SLC39A11: variants seen among roughly 807,000 people sequenced by gnomAD.
The protein encoded by SLC39A11 is zinc transporter ZIP11.
A neutral mutation model predicts 36.1 loss-of-function variants in SLC39A11; 33 were observed. That is an observed-to-expected ratio of 0.91 (90% CI 0.69 to 1.22). The LOEUF (loss-of-function observed/expected upper bound fraction) is 1.22, where lower values mean the gene tolerates loss of function less well. SLC39A11 is among the 50% of genes most tolerant of loss of function. SLC39A11 has a pLI of 0.00. For missense variants in SLC39A11, 432 were observed against 430.3 expected (o/e 1.00, Z -0.03); for synonymous variants, 166 against 170.3 (o/e 0.97, Z 0.20).
At chr17:72,864,341 G>A (rs1598172948) in intron 5 of SLC39A11, among the ~76,000 whole-genome samples, 2 of 150,616 alleles carry the variant, frequency 1.3e-5, no homozygotes, top group East Asian at 1.9e-4. Context: ...GCAACCCGGG[G>A]AATTCTGATC....
chr17:72,945,423 T>C (rs1003325019), intron 5 of SLC39A11, among the ~76,000 whole-genome samples: 7 of 152,206 alleles, frequency 4.6e-5, no homozygotes, highest in African/African-American at 1.4e-4. Context: ...TACAGCAAGC[T>C]TAAGGGCAAA....
intron 6 of SLC39A11, among the ~76,000 whole-genome samples, chr17:72,809,199 T>TTCTCTCTCTCTCTCTCTC (rs66472539): frequency 0.013 from 1,357 of 102,184 alleles, 12 homozygotes; most frequent in Non-Finnish European, 0.018. Context: ...TTTCTTTTCT[T>TTCTCTCTCTCTCTCTCTC]TCTCTCTCTC....
intron 3 of SLC39A11, among the ~76,000 whole-genome samples, chr17:73,074,075 T>C (rs2060244630): frequency 6.6e-6 from 1 of 151,846 alleles, no homozygotes; most frequent in Admixed American, 6.6e-5. Flanking sequence ...GCAGCAATTA[T>C]TAATTTCTCA....
At chr17:72,699,005 A>G (rs528222709) in intron 7 of SLC39A11, among the ~76,000 whole-genome samples, 2 of 151,920 alleles carry the variant, frequency 1.3e-5, no homozygotes, top group Non-Finnish European at 2.9e-5. Flanking sequence ...TAATTTTTGT[A>G]TTTTTAGTAG....
intron 7 of SLC39A11, among the ~76,000 whole-genome samples, chr17:72,673,533 A>G (rs1300848201): frequency 6.6e-6 from 1 of 151,912 alleles, no homozygotes; most frequent in Non-Finnish European, 1.5e-5. Flanking sequence ...AAGATTTACC[A>G]TCCAGAGAAC....
In SLC39A11 at chr17:72,649,270, T is replaced by G. The variant is rs1414200979; in HGVS notation, c.672-2A>C. ...ATCCCGATTCCAATGGCCAAATTCC[T>G]GAAAAACCAAGAAAGCACATGAAGG... On this transcript the variant is annotated splice_acceptor_variant, in intron 7 of 9. Transcript: ENST00000255559. LOFTEE classifies it high-confidence loss of function. The G allele has an allele frequency of 2.5e-6, 4 of 1,613,526 alleles. No homozygotes were observed. Among genetic ancestry groups the G allele is most frequent in the African/African-American group, 1.3e-5 (1 of 74,914 alleles).
At chr17:73,081,712 C>CAT (rs1369630852) in intron 3 of SLC39A11, among the ~76,000 whole-genome samples, 13 of 139,960 alleles carry the variant, frequency 9.3e-5, no homozygotes, top group South Asian at 4.5e-4. Context: ...TATATATATA[C>CAT]ACATATATGT....
In SLC39A11 at chr17:72,965,757, C is replaced by A. The variant is rs1230970572; in HGVS notation, c.307-17882G>T. ...GTGGAAAAGATACCAGGATGGAAGA[C>A]CAGAAAATCATGCAGGGAGATACAA... On this transcript the variant is annotated intron_variant, in intron 4 of 9. Coordinates refer to ENST00000255559, the MANE Select transcript of SLC39A11 (RefSeq NM_139177.4). Among the ~76,000 whole-genome samples, 3 of 152,218 alleles carry A rather than the reference C, an allele frequency of 2.0e-5. No homozygotes were observed. In the East Asian group the frequency reaches 5.8e-4, roughly 29 times the overall value.
chr17:72,727,695 C>CTTGAACTACA (rs2073989567), intron 7 of SLC39A11, among the ~76,000 whole-genome samples: 1 of 151,810 alleles, frequency 6.6e-6, no homozygotes, highest in Admixed American at 6.6e-5. Context: ...CTGTGTTTCC[C>CTTGAACTACA]TTGAACTACA....
At chr17:72,934,613 C>T (rs2084629817) in intron 5 of SLC39A11, among the ~76,000 whole-genome samples, 2 of 152,140 alleles carry the variant, frequency 1.3e-5, no homozygotes, top group African/African-American at 4.8e-5. Flanking sequence ...TTGCTGTGAG[C>T]CGAGATTGCG....
chr17:72,648,865 G>C lies in SLC39A11; in HGVS notation c.867C>G (p.Ala289=), dbSNP rs765725012. The C allele has an allele frequency of 6.2e-7, 1 of 1,614,176 alleles. No individual in the cohort carries two copies. The highest frequency in any genetic ancestry group is 8.5e-7 in the Non-Finnish European group (1 of 1,180,018). The change falls in exon 9 of 10, where the codon GCC becomes GCG. Residue 289 remains alanine (A), a synonymous_variant. Coordinates refer to ENST00000255559, the MANE Select transcript of SLC39A11 (RefSeq NM_139177.4). ...CGTAGACCATGGCACCGGCAGCAAA[G>C]GCCAGAGCGTAGGGCAGGATGGGCT... ...LAEPILPYAL[A]FAAGAMVYVV... is the part of the protein sequence containing the mutation.
chr17:72,874,354 T>A (rs141460071), intron 5 of SLC39A11, among the ~76,000 whole-genome samples: 45 of 152,268 alleles, frequency 3.0e-4, no homozygotes, highest in African/African-American at 8.9e-4. Context: ...ACTGTCTCTG[T>A]TCCTTCTCTC....
intron 4 of SLC39A11, among the ~76,000 whole-genome samples, chr17:72,952,073 C>T (rs892010323): frequency 2.0e-5 from 3 of 152,138 alleles, no homozygotes; most frequent in East Asian, 1.9e-4. Flanking sequence ...CTGTACCCCC[C>T]GCTTCCCCCA....
chr17:72,828,114 A>G (rs2078108746), intron 6 of SLC39A11, among the ~76,000 whole-genome samples: 2 of 152,252 alleles, frequency 1.3e-5, no homozygotes, highest in African/African-American at 4.8e-5. Flanking sequence ...ATGCTATGGT[A>G]GGAAATTAAT....
chr17:72,963,899 GAAGA>G (rs1342656879), intron 4 of SLC39A11, among the ~76,000 whole-genome samples: 1 of 152,002 alleles, frequency 6.6e-6, no homozygotes, highest in Admixed American at 6.6e-5. Flanking sequence ...TCTCAAATCA[GAAGA>G]AAAAATAACA....
chr17:72,752,382 T>C (rs12948525), intron 6 of SLC39A11, among the ~76,000 whole-genome samples: 56,161 of 151,830 alleles, frequency 0.37, 12,048 homozygotes, highest in Non-Finnish European at 0.49. Context: ...GTAGCTGGGA[T>C]TACAGGCACG....
At chr17:72,694,879 T>C (rs2072215457) in intron 7 of SLC39A11, among the ~76,000 whole-genome samples, 1 of 152,190 alleles carries the variant, frequency 6.6e-6, no homozygotes, top group Non-Finnish European at 1.5e-5. Context: ...GGACATCCAT[T>C]ACGATATTTC....
intron 7 of SLC39A11, among the ~76,000 whole-genome samples, chr17:72,692,885 C>G (rs1598361178): frequency 1.3e-5 from 2 of 152,132 alleles, no homozygotes; most frequent in East Asian, 3.9e-4. Flanking sequence ...CTCATCAAAG[C>G]ACTCACTCTC....
chr17:72,891,284 G>C (rs750319536), intron 5 of SLC39A11, among the ~76,000 whole-genome samples: 8 of 152,130 alleles, frequency 5.3e-5, no homozygotes, highest in Admixed American at 2.6e-4. Flanking sequence ...AGCTGGGCGT[G>C]GTGGCACATG....
Sources: allele counts gnomAD v4.1 joint callset (sites outside exome capture counted in the v4.1 genomes callset), GRCh38; gene constraint gnomAD v4.1.1; transcripts MANE v1.5; gene names NCBI Gene and HGNC (gene_info 2026-07-23, HGNC 2026-07-21).